EXOC4: variants seen among roughly 807,000 people sequenced by gnomAD.
EXOC4 encodes SEC8-like 1.
A neutral mutation model predicts 107.2 loss-of-function variants in EXOC4; 71 were observed. That is an observed-to-expected ratio of 0.66 (90% CI 0.55 to 0.81). The LOEUF (loss-of-function observed/expected upper bound fraction) is 0.81, where lower values mean the gene tolerates loss of function less well. Ranked by LOEUF, EXOC4 falls within the 30% of genes least tolerant of loss-of-function variation. The probability of loss-of-function intolerance (pLI) is 0.00; values close to 1 mark genes in which losing one functional copy is unlikely to be tolerated. For missense variants in EXOC4, 1,108 were observed against 1,189.6 expected (o/e 0.93, Z 1.01); for synonymous variants, 456 against 441.2 (o/e 1.03, Z -0.42).
chr7:133,856,855 C>T (rs980427594), intron 11 of EXOC4, among the ~76,000 whole-genome samples: 2 of 151,728 alleles, frequency 1.3e-5, no homozygotes, highest in Non-Finnish European at 1.5e-5. Context: ...TAGCTCAGCA[C>T]TTTGGGAGGC....
At chr7:133,544,512 C>T (rs1187576987) in intron 9 of EXOC4, among the ~76,000 whole-genome samples, 4 of 152,070 alleles carry the variant, frequency 2.6e-5, no homozygotes, top group Non-Finnish European at 5.9e-5. Flanking sequence ...TCTAGGACTT[C>T]AGAACCCATT....
intron 5 of EXOC4, among the ~76,000 whole-genome samples, chr7:133,348,941 T>A (rs1275417561): frequency 6.6e-6 from 1 of 152,168 alleles, no homozygotes; most frequent in Non-Finnish European, 1.5e-5. Flanking sequence ...TCAAATGCAC[T>A]CCACATTGCA....
chr7:133,954,183 A>C (rs935221505), intron 14 of EXOC4, among the ~76,000 whole-genome samples: 1 of 152,248 alleles, frequency 6.6e-6, no homozygotes, highest in Non-Finnish European at 1.5e-5. Context: ...AGAAAATGGC[A>C]GAACTGGCAT....
chr7:133,351,660 T>A (rs1341973812), intron 5 of EXOC4, among the ~76,000 whole-genome samples: 1 of 151,972 alleles, frequency 6.6e-6, no homozygotes, highest in Non-Finnish European at 1.5e-5. Context: ...TTTTTGGTAT[T>A]GTTTTTCTAT....
chr7:133,855,164 TA>T lies in EXOC4; in HGVS notation c.1734+37621del, dbSNP rs1202516007. The stretch of plus-strand genomic sequence containing the variant: ...ATATAAATATATATATAAATATATA[TA>T]TTTTTTTTATCAGCAAAGAGAAGTG... On this transcript the variant is annotated intron_variant, in intron 11 of 17. Transcript: ENST00000253861. 2.6e-3 allele frequency among the ~76,000 whole-genome samples: 347 copies of T among 135,772 alleles called. 5 individuals are homozygous for T. The highest frequency in any genetic ancestry group is 7.9e-3 in the African/African-American group (258 of 32,764). The allele number at this position is 135,772 out of a possible 152,430, so 89.1% of individuals were successfully genotyped here. A position where few individuals can be genotyped will look rare whatever the true frequency, so the allele number is the denominator to read the frequency against.
intron 14 of EXOC4, among the ~76,000 whole-genome samples, chr7:133,965,119 G>T (rs1406945024): frequency 6.6e-6 from 1 of 152,150 alleles, no homozygotes; most frequent in Non-Finnish European, 1.5e-5. Flanking sequence ...TTGGCTGCAT[G>T]AATGTCTTCT....
At chr7:133,987,466 A>G (rs1345697041) in intron 14 of EXOC4, among the ~76,000 whole-genome samples, 2 of 151,832 alleles carry the variant, frequency 1.3e-5, no homozygotes, top group African/African-American at 4.8e-5. Context: ...GAATGAAGGA[A>G]GGAGAGAAAG....
At chr7:134,096,334 G>A in the EXOC4 span, among the ~76,000 whole-genome samples, 1 of 152,210 alleles carries the variant, frequency 6.6e-6, no homozygotes, top group Non-Finnish European at 1.5e-5. Flanking sequence ...TTCAGTCAAA[G>A]ATAGAGGGCC....
At chr7:133,373,293 T>C (rs1042603151) in intron 6 of EXOC4, among the ~76,000 whole-genome samples, 1 of 152,222 alleles carries the variant, frequency 6.6e-6, no homozygotes, top group Admixed American at 6.5e-5. Flanking sequence ...ATTTTAGATA[T>C]ATGTGAGTAT....
intron 9 of EXOC4, among the ~76,000 whole-genome samples, chr7:133,610,645 G>A (rs1018091862): frequency 1.3e-5 from 2 of 151,726 alleles, no homozygotes; most frequent in Admixed American, 6.6e-5. Context: ...CTTGAATAGA[G>A]CTCTAAATCT....
intron 11 of EXOC4, among the ~76,000 whole-genome samples, chr7:133,855,957 C>A (rs1004295788): frequency 1.2e-4 from 19 of 152,228 alleles, no homozygotes; most frequent in Non-Finnish European, 1.9e-4. Flanking sequence ...CCCTCACCAT[C>A]CTGAGCCTTG....
chr7:134,035,794 A>G (rs1186236700), intron 17 of EXOC4, among the ~76,000 whole-genome samples: 1 of 152,144 alleles, frequency 6.6e-6, no homozygotes, highest in Non-Finnish European at 1.5e-5. Flanking sequence ...CCTGTGGTAC[A>G]GGGTTGCCTG....
intron 10 of EXOC4, among the ~76,000 whole-genome samples, chr7:133,696,435 A>G (rs1350021252): frequency 6.6e-6 from 1 of 152,206 alleles, no homozygotes; most frequent in Non-Finnish European, 1.5e-5. Context: ...TTTTGCCTTC[A>G]TAATCTCTGA....
At chr7:133,757,136 C>T (rs776691149) in intron 10 of EXOC4, among the ~76,000 whole-genome samples, 4 of 152,022 alleles carry the variant, frequency 2.6e-5, no homozygotes, top group Non-Finnish European at 4.4e-5. Flanking sequence ...GTCTTAATAC[C>T]GAAGATGCCA....
intron 8 of EXOC4, among the ~76,000 whole-genome samples, chr7:133,477,826 C>G (rs1799054920): frequency 6.6e-6 from 1 of 152,200 alleles, no homozygotes; most frequent in African/African-American, 2.4e-5. Context: ...CAAAACTCTT[C>G]AGCAAGTTCC....
chr7:134,074,862 A>G, the EXOC4 span, among the ~76,000 whole-genome samples: 1 of 152,258 alleles, frequency 6.6e-6, no homozygotes, highest in African/African-American at 2.4e-5. Flanking sequence ...AGTAAAACGA[A>G]TAATGATTGT....
intron 7 of EXOC4, among the ~76,000 whole-genome samples, chr7:133,400,548 CT>C (rs1797066997): frequency 6.6e-6 from 1 of 152,064 alleles, no homozygotes; most frequent in Non-Finnish European, 1.5e-5. Flanking sequence ...ATTCTTTTTG[CT>C]TTTCTTTTTT....
chr7:133,514,296 C>A (rs1329564396), intron 9 of EXOC4, among the ~76,000 whole-genome samples: 2 of 152,002 alleles, frequency 1.3e-5, no homozygotes. Context: ...TCCTGAGTAG[C>A]TGGGACTACA....
At chr7:133,817,070 G>A (rs1797389753) in intron 10 of EXOC4, among the ~76,000 whole-genome samples, 1 of 151,966 alleles carries the variant, frequency 6.6e-6, no homozygotes, top group Admixed American at 6.6e-5. Flanking sequence ...TCTCCTTCTG[G>A]AATTAAAAAT....
Sources: allele counts gnomAD v4.1 joint callset (sites outside exome capture counted in the v4.1 genomes callset), GRCh38; gene constraint gnomAD v4.1.1; transcripts MANE v1.5; gene names NCBI Gene and HGNC (gene_info 2026-07-23, HGNC 2026-07-21).